SORCS2: variants seen among roughly 807,000 people sequenced by gnomAD.
SORCS2 encodes sortilin related VPS10 domain containing receptor 2, also known as VPS10 domain-containing receptor SorCS2.
SORCS2 carries 100 observed loss-of-function variants against 141.6 expected under a neutral mutation model. The ratio of observed to expected loss-of-function variants is 0.71; its 90% CI spans 0.60 to 0.83. The LOEUF is 0.83. Ranked by LOEUF, SORCS2 falls within the 40% of genes least tolerant of loss-of-function variation. SORCS2 has a pLI of 0.00. For missense variants in SORCS2, 1,646 were observed against 1,560.2 expected (o/e 1.05, Z -0.93); for synonymous variants, 789 against 676.9 (o/e 1.17, Z -2.57).
intron 2 of SORCS2, among the ~76,000 whole-genome samples, chr4:7,485,243 C>T (rs946704780): frequency 3.3e-5 from 5 of 152,238 alleles, no homozygotes; most frequent in African/African-American, 1.2e-4. Flanking sequence ...GCCAGCATGC[C>T]CCTCCCATCG....
At chr4:7,585,414 G>C (rs1049097941) in intron 3 of SORCS2, among the ~76,000 whole-genome samples, 1 of 152,208 alleles carries the variant, frequency 6.6e-6, no homozygotes, top group Non-Finnish European at 1.5e-5. Context: ...GCCTGAGGCT[G>C]CCTCTGGGGC....
intron 1 of SORCS2, among the ~76,000 whole-genome samples, chr4:7,327,468 T>A (rs1354822143): frequency 6.6e-6 from 1 of 152,244 alleles, no homozygotes; most frequent in Non-Finnish European, 1.5e-5. Flanking sequence ...TGGTTACATC[T>A]GCAAAGACCC....
chr4:7,599,980 C>A (rs1174790968), intron 3 of SORCS2, among the ~76,000 whole-genome samples: 1 of 151,938 alleles, frequency 6.6e-6, no homozygotes, highest in Non-Finnish European at 1.5e-5. Context: ...TGTGCCACCA[C>A]AACCAGCTAA....
At chr4:7,202,856 A>G (rs2108864690) in intron 1 of SORCS2, among the ~76,000 whole-genome samples, 1 of 152,188 alleles carries the variant, frequency 6.6e-6, no homozygotes, top group South Asian at 2.1e-4. Context: ...CCTTATAATA[A>G]TAATCCCTCA....
intron 3 of SORCS2, among the ~76,000 whole-genome samples, chr4:7,582,765 C>G (rs1022921872): frequency 1.3e-5 from 2 of 152,186 alleles, no homozygotes; most frequent in Non-Finnish European, 2.9e-5. Context: ...CCAGCAAGAG[C>G]GTCTGCCCCT....
At chr4:7,724,402 T>C (rs1169255553) in intron 19 of SORCS2, among the ~76,000 whole-genome samples, 3 of 134,968 alleles carry the variant, frequency 2.2e-5, no homozygotes, top group African/African-American at 9.4e-5. Flanking sequence ...GTGATGGTGA[T>C]AGTAGTGGTG....
intron 1 of SORCS2, among the ~76,000 whole-genome samples, chr4:7,325,388 C>G (rs367937571): frequency 9.9e-5 from 15 of 152,134 alleles, no homozygotes; most frequent in African/African-American, 2.7e-4. Context: ...ACATCACAGA[C>G]CCCTAGGAAA....
intron 3 of SORCS2, among the ~76,000 whole-genome samples, chr4:7,613,790 T>C (rs1048797556): frequency 6.6e-6 from 1 of 151,882 alleles, no homozygotes; most frequent in Non-Finnish European, 1.5e-5. Context: ...CCATCTACCA[T>C]GTGTCTACCA....
rs188397811 is a variant in SORCS2 at position 7,403,642 on chromosome 4, A to G, written c.548+7287A>G. ...TTCAGATTTCTTTACGGTAGGATTT[A>G]TCAGCGTCTCTGATACACTAATACA... On this transcript the variant is annotated intron_variant, in intron 2 of 26. Transcript: ENST00000507866. Among the ~76,000 whole-genome samples the G allele has an allele frequency of 4.0e-3, 614 of 152,246 alleles. 9 individuals are homozygous for G. Among genetic ancestry groups the G allele is most frequent in the African/African-American group, 0.014 (585 of 41,542 alleles).
chr4:7,529,118 T>C (rs1733871111), intron 2 of SORCS2, among the ~76,000 whole-genome samples: 1 of 152,234 alleles, frequency 6.6e-6, no homozygotes. Context: ...TCATGGGTTC[T>C]GGGTGCACAG....
At chr4:7,501,883 T>C (rs948289498) in intron 2 of SORCS2, among the ~76,000 whole-genome samples, 1 of 152,206 alleles carries the variant, frequency 6.6e-6, no homozygotes, top group Non-Finnish European at 1.5e-5. Flanking sequence ...CAGTCACCCC[T>C]GATCTCTCTG....
At chr4:7,598,083 C>T (rs1717403752) in intron 3 of SORCS2, among the ~76,000 whole-genome samples, 1 of 151,836 alleles carries the variant, frequency 6.6e-6, no homozygotes, top group Admixed American at 6.6e-5. Flanking sequence ...ATTCTCCTGC[C>T]TCAGCCTTCT....
At chr4:7,531,236 G>A (rs186822277) in intron 2 of SORCS2, among the ~76,000 whole-genome samples, 1 of 152,216 alleles carries the variant, frequency 6.6e-6, no homozygotes, top group Non-Finnish European at 1.5e-5. Context: ...CTCATAGGAG[G>A]CATGGGGGAG....
chr4:7,476,373 G>A (rs569773160), intron 2 of SORCS2, among the ~76,000 whole-genome samples: 1 of 152,302 alleles, frequency 6.6e-6, no homozygotes, highest in African/African-American at 2.4e-5. Context: ...CGTCTGACTG[G>A]GGCTGGCTGG....
chr4:7,551,651 G>T (rs1395674048), intron 3 of SORCS2, among the ~76,000 whole-genome samples: 2 of 152,180 alleles, frequency 1.3e-5, no homozygotes, highest in Non-Finnish European at 2.9e-5. Flanking sequence ...CATGAGCTGG[G>T]TCTTCTCTGC....
chr4:7,530,936 C>A (rs1315247040), intron 2 of SORCS2, among the ~76,000 whole-genome samples: 1 of 152,186 alleles, frequency 6.6e-6, no homozygotes, highest in African/African-American at 2.4e-5. Flanking sequence ...TGATTTCCAG[C>A]AGCTGCCCGA....
At chr4:7,459,580 G>A (rs755972962) in intron 2 of SORCS2, among the ~76,000 whole-genome samples, 8 of 152,180 alleles carry the variant, frequency 5.3e-5, no homozygotes, top group South Asian at 2.1e-4. Context: ...GCCTGGCCCC[G>A]GGAAGTGAGG....
chr4:7,701,673 C>A (rs1206176014), intron 12 of SORCS2, among the ~76,000 whole-genome samples: 1 of 152,174 alleles, frequency 6.6e-6, no homozygotes. Context: ...GCCTGCCGGC[C>A]CCCACCCAGG....
intron 1 of SORCS2, among the ~76,000 whole-genome samples, chr4:7,378,936 A>G (rs766796082): frequency 1.3e-5 from 2 of 151,832 alleles, no homozygotes; most frequent in Non-Finnish European, 2.9e-5. Flanking sequence ...TTTTTAATTG[A>G]CCCTGGCTGA....
Sources: gnomAD v4.1 joint callset for allele counts (sites outside exome capture counted in the v4.1 genomes callset) on GRCh38, gnomAD v4.1.1 for gene constraint, MANE v1.5 for transcripts, NCBI Gene and HGNC (gene_info 2026-07-23, HGNC 2026-07-21) for gene names.